ADGRA3: variants seen among roughly 807,000 people sequenced by gnomAD.
ADGRA3 encodes adhesion G protein-coupled receptor A3, also known as G-protein coupled receptor 125.
Under a neutral mutation model 119.8 loss-of-function variants are expected in ADGRA3, and 56 were observed. The ratio of observed to expected loss-of-function variants is 0.47; its 90% CI spans 0.38 to 0.58. ADGRA3 has a LOEUF of 0.58. Ranked by LOEUF, ADGRA3 falls within the 20% of genes least tolerant of loss-of-function variation. The probability of loss-of-function intolerance (pLI) is 0.00; values close to 1 mark genes in which losing one functional copy is unlikely to be tolerated. For synonymous variants in ADGRA3, 607 were observed against 623.8 expected (o/e 0.97, Z 0.40); for missense variants, 1,516 against 1,649.0 (o/e 0.92, Z 1.40).
At position 22,401,525 on chromosome 4, in the gene ADGRA3, T is replaced by C; in HGVS notation, c.2387A>G (p.His796Arg). The change falls in exon 16 of 19, where the codon CAC becomes CGC. Residue 796 changes from histidine (H) to arginine (R), a missense_variant. By Grantham distance (29) the His-to-Arg change is conservative. Coordinates refer to ENST00000334304, the MANE Select transcript of ADGRA3 (RefSeq NM_145290.4). ...ATGAAAGCACAAGTTCACAAGCATG[T>C]GCCAGCTCTTGAGGCTGATTCTAAT... is the stretch of plus-strand genomic sequence containing the variant. ...SLIRISLKSW[H>R]MLVNLCFHIF... is the part of the protein sequence containing the mutation. 1 of 1,608,864 alleles carries C rather than the reference T, an allele frequency of 6.2e-7. No individual in the cohort carries two copies. Among genetic ancestry groups the C allele is most frequent in the Non-Finnish European group, 8.5e-7 (1 of 1,176,860 alleles).
chr4:22,454,670 G>A (rs567904682), intron 4 of ADGRA3, among the ~76,000 whole-genome samples, 196 bp downstream of exon 4: 3 of 152,222 alleles, frequency 2.0e-5, no homozygotes, highest in South Asian at 2.1e-4. Flanking sequence ...ACATGTGTCC[G>A]TGTGTGGTGT....
In ADGRA3 at chr4:22,388,397, T is replaced by C; in HGVS notation, c.3274A>G (p.Ser1092Gly). ...TTTGTGCATGAAGACTCCGCACTGC[T>C]ATTGGGGCATTTGGGTGCCTCTCCA... ...TNGEAPKCPN[S>G]SAESSCTNKS... is the part of the protein sequence containing the mutation. Residue 1092 changes from serine to glycine, a missense_variant, in exon 19 of 19, where the codon AGC (serine) becomes GGC (glycine). Coordinates refer to ENST00000334304, the MANE Select transcript of ADGRA3 (RefSeq NM_145290.4). 1.2e-6 allele frequency: 2 copies of C among 1,614,082 alleles called. No individual in the cohort carries two copies. Among genetic ancestry groups the C allele is most frequent in the Non-Finnish European group, 8.5e-7 (1 of 1,179,998 alleles).
intron 13 of ADGRA3, 89 bp downstream of exon 13, chr4:22,413,512 G>C: frequency 7.1e-7 from 1 of 1,416,676 alleles, no homozygotes. Context: ...ATTAAAACGA[G>C]AAAACACTAA....
At chr4:22,403,981 A>G (rs1261981426) in intron 14 of ADGRA3, among the ~76,000 whole-genome samples, 1 of 152,160 alleles carries the variant, frequency 6.6e-6, no homozygotes. Flanking sequence ...AACAATGCAG[A>G]CACTGCCTCT....
chr4:22,507,053 C>T (rs1322869619), intron 1 of ADGRA3, among the ~76,000 whole-genome samples: 3 of 146,266 alleles, frequency 2.1e-5, no homozygotes, highest in Non-Finnish European at 3.0e-5. Context: ...CTTGCTAACA[C>T]GATGAAACCC....
intron 2 of ADGRA3, among the ~76,000 whole-genome samples, chr4:22,462,522 C>T (rs535998546): frequency 2.6e-5 from 4 of 152,270 alleles, no homozygotes; most frequent in South Asian, 2.1e-4. Flanking sequence ...GCCATGTTGG[C>T]CAGGCTGATC....
At chr4:22,397,168 T>C (rs1487365382) in intron 16 of ADGRA3, among the ~76,000 whole-genome samples, 1 of 134,308 alleles carries the variant, frequency 7.4e-6, no homozygotes, top group Non-Finnish European at 1.5e-5. Context: ...AATCAACTAC[T>C]GTAATTCTTT....
intron 2 of ADGRA3, among the ~76,000 whole-genome samples, chr4:22,463,801 T>C (rs952288833): frequency 7.2e-5 from 11 of 152,220 alleles, no homozygotes; most frequent in Admixed American, 6.5e-4. Flanking sequence ...TCAGCAGCAG[T>C]GGTTGTCATT....
intron 1 of ADGRA3, among the ~76,000 whole-genome samples, chr4:22,493,724 T>C (rs1333893480): frequency 6.6e-6 from 1 of 152,134 alleles, no homozygotes; most frequent in African/African-American, 2.4e-5. Flanking sequence ...AGCAAGTCCA[T>C]CTTGAATAGG....
At chr4:22,501,811 T>C (rs1275816108) in intron 1 of ADGRA3, among the ~76,000 whole-genome samples, 1 of 151,838 alleles carries the variant, frequency 6.6e-6, no homozygotes, top group African/African-American at 2.4e-5. Flanking sequence ...AAGAATATTA[T>C]AAAACTTTAA....
chr4:22,431,158 C>G (rs1366131467), intron 10 of ADGRA3, among the ~76,000 whole-genome samples: 1 of 152,116 alleles, frequency 6.6e-6, no homozygotes, highest in Non-Finnish European at 1.5e-5. Context: ...GTCAGAGCGC[C>G]CACACAGAGT....
chr4:22,403,993 C>T (rs780054987), intron 14 of ADGRA3, among the ~76,000 whole-genome samples: 1 of 152,066 alleles, frequency 6.6e-6, no homozygotes. Context: ...ACTGCCTCTC[C>T]GAAATGAAAA....
intron 17 of ADGRA3, among the ~76,000 whole-genome samples, chr4:22,390,349 TATATATATATAATACGTA>T (rs1232622643): frequency 2.8e-4 from 24 of 85,254 alleles, no homozygotes; most frequent in Non-Finnish European, 4.3e-4. Flanking sequence ...AAATACATAT[TATATATATATAATACGTA>T]TTATATATAT....
chr4:22,513,922 T>C (rs919316117), intron 1 of ADGRA3, among the ~76,000 whole-genome samples: 1 of 150,592 alleles, frequency 6.6e-6, no homozygotes, highest in Admixed American at 6.6e-5. Flanking sequence ...AACCAGTTTC[T>C]AAAAATTGTA....
intron 14 of ADGRA3, among the ~76,000 whole-genome samples, chr4:22,404,990 A>G (rs1714840911): frequency 1.3e-5 from 2 of 152,196 alleles, no homozygotes; most frequent in Admixed American, 1.3e-4. Flanking sequence ...AGATTACTGC[A>G]GGAAATGTTC....
intron 1 of ADGRA3, among the ~76,000 whole-genome samples, chr4:22,482,581 C>T (rs1205285913): frequency 1.3e-5 from 2 of 151,906 alleles, no homozygotes; most frequent in African/African-American, 4.8e-5. Context: ...GAGAGGATTG[C>T]TCAAGCCCAG....
chr4:22,433,866 A>G (rs1302486080), intron 10 of ADGRA3, among the ~76,000 whole-genome samples: 1 of 152,166 alleles, frequency 6.6e-6, no homozygotes, highest in African/African-American at 2.4e-5. Context: ...TCACTGCAGG[A>G]AAGTGGGCTG....
intron 9 of ADGRA3, 72 bp downstream of exon 9, chr4:22,436,368 A>AC (rs1716392444): frequency 1.7e-4 from 206 of 1,232,716 alleles, no homozygotes; most frequent in Middle Eastern, 5.6e-4. Flanking sequence ...AAAAAAAAAA[A>AC]AAACTTATGT....
At chr4:22,426,936 T>A (rs902981339) in intron 10 of ADGRA3, among the ~76,000 whole-genome samples, 1 of 152,178 alleles carries the variant, frequency 6.6e-6, no homozygotes, top group Admixed American at 6.5e-5. Context: ...CTTCTGGAGT[T>A]ATAAAGAAGG....
Sources: gnomAD v4.1 joint callset for allele counts (sites outside exome capture counted in the v4.1 genomes callset) on GRCh38, gnomAD v4.1.1 for gene constraint, MANE v1.5 for transcripts, NCBI Gene and HGNC (gene_info 2026-07-23, HGNC 2026-07-21) for gene names.